CHEK2: variants seen among roughly 807,000 people sequenced by gnomAD.
CHEK2 encodes the protein serine/threonine-protein kinase Chk2.
CHEK2 carries 71 observed loss-of-function variants against 69.1 expected under a neutral mutation model. The observed-to-expected ratio is 1.03, with a 90% CI of 0.85 to 1.25. The LOEUF (loss-of-function observed/expected upper bound fraction) is 1.25. Ranked by LOEUF, CHEK2 falls within the 50% of genes most tolerant of loss-of-function variation. The pLI is 0.00. For synonymous variants in CHEK2, 189 were observed against 226.9 expected (o/e 0.83, Z 1.50); for missense variants, 664 against 649.6 (o/e 1.02, Z -0.24).
At chr22:28,712,380 T>A in intron 5 of CHEK2, 1 of 299,292 alleles carries the variant, frequency 3.3e-6, no homozygotes. Context: ...CAAAAATAAG[T>A]GCCCAAAACA....
intron 1 of CHEK2, among the ~76,000 whole-genome samples, chr22:28,735,255 A>C (rs902230728): frequency 2.6e-5 from 4 of 151,864 alleles, no homozygotes; most frequent in African/African-American, 9.7e-5. Context: ...AAATACAAAA[A>C]ATTAGCCAGG....
chr22:28,699,356 C>A (rs1047335363), intron 9 of CHEK2, among the ~76,000 whole-genome samples: 3 of 119,924 alleles, frequency 2.5e-5, no homozygotes, highest in African/African-American at 9.3e-5. Flanking sequence ...ACAGTGAGAG[C>A]TTTTTCTTTT....
chr22:28,699,368 T>TC (rs1172409042), intron 9 of CHEK2, among the ~76,000 whole-genome samples: 2 of 137,944 alleles, frequency 1.4e-5, no homozygotes, highest in Non-Finnish European at 3.2e-5. Flanking sequence ...TTTTCTTTTT[T>TC]TTTTTTTTTT....
At position 28,734,312 on chromosome 22, in the gene CHEK2, C is replaced by T. The variant is rs1033667; in HGVS notation, c.319+91G>A. 349,302 of 1,259,652 alleles carry T rather than the reference C, an allele frequency of 0.28. 50,467 individuals carry two copies. Among genetic ancestry groups the T allele is most frequent in the African/African-American group, 0.35 (23,136 of 66,960 alleles). 78.0% of individuals were successfully genotyped at this position (1,259,652 alleles called of 1,614,324 possible). On this transcript the variant is annotated intron_variant, in intron 2 of 14. Coordinates refer to ENST00000404276, the MANE Select transcript of CHEK2 (RefSeq NM_007194.4). ...TTGTTCAACGTGCCAAAAACCTGGA[C>T]AACTCCAATCAGAACCTTCCACCTG...
chr22:28,700,946 T>C (rs1289399160), intron 8 of CHEK2, among the ~76,000 whole-genome samples: 2 of 151,954 alleles, frequency 1.3e-5, no homozygotes, highest in African/African-American at 2.4e-5. Flanking sequence ...TTCACCATCA[T>C]GCCCGGCTAA....
chr22:28,726,481 A>C (rs1382361995), intron 2 of CHEK2: 1 of 146,414 alleles, frequency 6.8e-6, no homozygotes, highest in Non-Finnish European at 1.5e-5. Context: ...TTATTTTATA[A>C]GTTGTCTTAA....
intron 7 of CHEK2, among the ~76,000 whole-genome samples, chr22:28,704,608 C>T (rs570223595): frequency 6.6e-6 from 1 of 152,242 alleles, no homozygotes; most frequent in East Asian, 1.9e-4. Context: ...GTTGGGATTA[C>T]AGCAGTGAGC....
chr22:28,740,485 T>C (rs2054524398), intron 1 of CHEK2, among the ~76,000 whole-genome samples: 1 of 152,224 alleles, frequency 6.6e-6, no homozygotes, highest in Admixed American at 6.5e-5. Flanking sequence ...GATAACCACT[T>C]TCCCTATCCC....
rs571132307 is a variant in CHEK2, at chr22:28,695,946, C to T, written c.1096-73G>A. 2.8e-5 allele frequency: 33 copies of T among 1,192,612 alleles called. No individual in the cohort carries two copies. The Admixed American group carries it at 4.6e-4, about 17-fold the overall frequency. The allele number at this position is 1,192,612 out of a possible 1,614,324, so 73.9% of individuals were successfully genotyped here. Reference sequence around the variant, plus strand: ...AAAAGATTAACATAGTCTGCCAGTCCAAGAAGACACGTAGGCTAGATCAGT... The same window carrying T: ...AAAAGATTAACATAGTCTGCCAGTCTAAGAAGACACGTAGGCTAGATCAGT... On this transcript the variant is annotated intron_variant, in intron 10 of 14. Coordinates refer to ENST00000404276, the MANE Select transcript of CHEK2 (RefSeq NM_007194.4).
intron 4 of CHEK2, among the ~76,000 whole-genome samples, chr22:28,722,923 C>T (rs1269426766): frequency 1.3e-5 from 2 of 152,096 alleles, no homozygotes; most frequent in African/African-American, 2.4e-5. Flanking sequence ...GAGAAGAGTG[C>T]TTATATGAAC....
intron 8 of CHEK2, among the ~76,000 whole-genome samples, chr22:28,702,197 A>T: frequency 7.1e-6 from 1 of 140,182 alleles, no homozygotes; most frequent in African/African-American, 2.6e-5. Flanking sequence ...GTTTCACCAT[A>T]TTGCCCAGGC....
intron 4 of CHEK2, 76 bp from the exon 5 acceptor site, chr22:28,719,561 A>G (rs2146009061): frequency 1.2e-6 from 1 of 817,596 alleles, no homozygotes; most frequent in Admixed American, 2.3e-5. Flanking sequence ...AAATTTATTC[A>G]TCATATGGAA....
At chr22:28,709,199 A>G (rs1247485731) in intron 7 of CHEK2, among the ~76,000 whole-genome samples, 1 of 152,176 alleles carries the variant, frequency 6.6e-6, no homozygotes, top group African/African-American at 2.4e-5. Context: ...AGACATAGTC[A>G]TCATTGCACA....
At chr22:28,702,640 G>A (rs1490155471) in intron 8 of CHEK2, among the ~76,000 whole-genome samples, 7 of 150,798 alleles carry the variant, frequency 4.6e-5, no homozygotes, top group Middle Eastern at 3.2e-3. Context: ...TCTGCCTCCC[G>A]GGTTCAAGCT....
chr22:28,734,338 G>C (rs1452721339), intron 2 of CHEK2, 65 bp downstream of exon 2: 2 of 1,507,442 alleles, frequency 1.3e-6, no homozygotes, highest in Non-Finnish European at 1.8e-6. Context: ...CTTCCACCTG[G>C]TAATACAACT....
rs746629538 is a variant in CHEK2, at chr22:28,693,996, T to C, written c.1461+36A>G. The C allele has an allele frequency of 4.6e-6, 6 of 1,312,404 alleles. No homozygotes were observed. Among genetic ancestry groups the C allele is most frequent in the South Asian group, 2.3e-5 (2 of 85,284 alleles). 81.3% of individuals were successfully genotyped at this position (1,312,404 alleles called of 1,614,324 possible). ...GTCTCTCAGGCAGCAGGGCTTCCCA[T>C]GTATTTTATGCTAGCAGGCACTGTC... On this transcript the variant is annotated intron_variant, in intron 13 of 14. Coordinates refer to ENST00000404276, the MANE Select transcript of CHEK2 (RefSeq NM_007194.4).
At chr22:28,740,268 A>G (rs1446518128) in intron 1 of CHEK2, among the ~76,000 whole-genome samples, 2 of 152,242 alleles carry the variant, frequency 1.3e-5, no homozygotes. Flanking sequence ...AGTCCTCACA[A>G]GAAAATTCTT....
In CHEK2 at chr22:28,702,485, G is replaced by A. The variant is rs548786066; in HGVS notation, c.908+1020C>T. Among the ~76,000 whole-genome samples the A allele has an allele frequency of 2.5e-4, 37 of 149,704 alleles. 1 individual carries two copies. The highest frequency in any genetic ancestry group is 8.4e-4 in the African/African-American group (34 of 40,602). Reference sequence around the variant, plus strand: ...GATCTCCTGACCTTGTGATCCGCCCGCCTTGGCCTCCCTAAGTGCTGGGAT... The same window carrying A: ...GATCTCCTGACCTTGTGATCCGCCCACCTTGGCCTCCCTAAGTGCTGGGAT... On this transcript the variant is annotated intron_variant, in intron 8 of 14. Transcript: ENST00000404276.
chr22:28,716,934 C>T (rs936204118), intron 5 of CHEK2, among the ~76,000 whole-genome samples: 6 of 152,150 alleles, frequency 3.9e-5, no homozygotes, highest in African/African-American at 1.4e-4. Context: ...CCAGACACTA[C>T]GTGGCGTGTG....
Sources: gnomAD v4.1 joint callset for allele counts (sites outside exome capture counted in the v4.1 genomes callset) on GRCh38, gnomAD v4.1.1 for gene constraint, MANE v1.5 for transcripts, NCBI Gene and HGNC (gene_info 2026-07-23, HGNC 2026-07-21) for gene names.